OSBPL10: variants seen among roughly 807,000 people sequenced by gnomAD.
The protein encoded by OSBPL10 is oxysterol binding protein like 10, also known as oxysterol-binding protein-related protein 10.
OSBPL10 carries 49 observed loss-of-function variants against 81.7 expected under a neutral mutation model. The ratio of observed to expected loss-of-function variants is 0.60; its 90% CI spans 0.48 to 0.76. The LOEUF (loss-of-function observed/expected upper bound fraction) is 0.76. Ranked by LOEUF, OSBPL10 falls within the 30% of genes least tolerant of loss-of-function variation. The probability of loss-of-function intolerance (pLI) is 0.00; values close to 1 mark genes in which losing one functional copy is unlikely to be tolerated. For missense variants in OSBPL10, 923 were observed against 987.8 expected, an observed-to-expected ratio of 0.93 and a Z score of 0.88; for synonymous variants, 419 against 383.6, an observed-to-expected ratio of 1.09 and a Z score of -1.08.
At chr3:31,868,850 T>C (rs1339433028) in intron 3 of OSBPL10, among the ~76,000 whole-genome samples, 1 of 152,224 alleles carries the variant, frequency 6.6e-6, no homozygotes, top group African/African-American at 2.4e-5. Flanking sequence ...ATTCATAAAT[T>C]TCTCCAACTC....
chr3:31,875,067 C>T (rs1005015558), intron 3 of OSBPL10, among the ~76,000 whole-genome samples: 14 of 111,922 alleles, frequency 1.3e-4, no homozygotes, highest in African/African-American at 5.0e-4. Context: ...AAAAAGATCT[C>T]CAAAATATAT....
chr3:31,864,692 C>T (rs541441285), intron 3 of OSBPL10, among the ~76,000 whole-genome samples: 3 of 152,128 alleles, frequency 2.0e-5, no homozygotes, highest in Admixed American at 6.5e-5. Context: ...AGAACACTGA[C>T]TGAATGATGG....
chr3:32,014,790 A>T (rs988307838), intron 2 of OSBPL10, among the ~76,000 whole-genome samples: 12 of 152,230 alleles, frequency 7.9e-5, no homozygotes, highest in African/African-American at 2.7e-4. Context: ...CAAGCATTTT[A>T]TACACCAATA....
At chr3:31,683,139 G>A (rs1035770266) in intron 8 of OSBPL10, among the ~76,000 whole-genome samples, 4 of 152,182 alleles carry the variant, frequency 2.6e-5, no homozygotes, top group African/African-American at 4.8e-5. Context: ...ATCCACCAGT[G>A]GCGTGATTAT....
At chr3:31,780,287 C>T (rs560097408) in intron 4 of OSBPL10, among the ~76,000 whole-genome samples, 59 of 151,314 alleles carry the variant, frequency 3.9e-4, no homozygotes, top group African/African-American at 1.1e-3. Context: ...AGCAAGACTC[C>T]GTCAAAAAAA....
At chr3:31,769,137 G>T (rs1169554187) in intron 4 of OSBPL10, among the ~76,000 whole-genome samples, 1 of 152,054 alleles carries the variant, frequency 6.6e-6, no homozygotes, top group African/African-American at 2.4e-5. Context: ...AAACATGCAA[G>T]CATGAAATAA....
chr3:31,663,896 T>C, intron 11 of OSBPL10, 183 bp downstream of exon 11: 1 of 1,477,654 alleles, frequency 6.8e-7, no homozygotes, highest in South Asian at 1.4e-5. Context: ...TTCATGAATA[T>C]TGTGGCAGAA....
intron 2 of OSBPL10, among the ~76,000 whole-genome samples, chr3:32,042,603 G>C (rs1699589060): frequency 6.6e-6 from 1 of 152,038 alleles, no homozygotes; most frequent in Non-Finnish European, 1.5e-5. Flanking sequence ...TTCCATAAGT[G>C]TTGGCCGGCC....
At chr3:31,986,597 AG>A (rs1698936664) in intron 2 of OSBPL10, among the ~76,000 whole-genome samples, 1 of 152,258 alleles carries the variant, frequency 6.6e-6, no homozygotes, top group African/African-American at 2.4e-5. Flanking sequence ...TACAAAAAAA[AG>A]TTTATATTTT....
At chr3:32,034,206 G>A (rs1008731832) in intron 2 of OSBPL10, among the ~76,000 whole-genome samples, 1 of 152,002 alleles carries the variant, frequency 6.6e-6, no homozygotes, top group Non-Finnish European at 1.5e-5. Context: ...AGGGATTACG[G>A]GGATTACAAT....
chr3:31,952,614 T>C (rs917340866), intron 1 of OSBPL10, among the ~76,000 whole-genome samples: 2 of 152,148 alleles, frequency 1.3e-5, no homozygotes, highest in Non-Finnish European at 2.9e-5. Context: ...CATACTACTA[T>C]GTAAAATCCA....
chr3:31,726,310 A>G (rs776604976), intron 6 of OSBPL10, among the ~76,000 whole-genome samples: 1 of 148,204 alleles, frequency 6.7e-6, no homozygotes, highest in Non-Finnish European at 1.5e-5. Context: ...TGTCTTTTTA[A>G]TTTTTTTTTT....
chr3:31,922,506 T>C (rs1696946154), intron 1 of OSBPL10, among the ~76,000 whole-genome samples: 1 of 152,100 alleles, frequency 6.6e-6, no homozygotes, highest in African/African-American at 2.4e-5. Context: ...TAATCCCAGT[T>C]ACTCGAGAGA....
intron 4 of OSBPL10, among the ~76,000 whole-genome samples, chr3:31,817,193 C>T (rs933871386): frequency 5.9e-5 from 9 of 152,322 alleles, no homozygotes; most frequent in African/African-American, 2.2e-4. Flanking sequence ...ACTGGCAGCC[C>T]GGCCCTCAGC....
intron 4 of OSBPL10, among the ~76,000 whole-genome samples, chr3:31,753,481 G>C (rs148107932): frequency 6.6e-6 from 1 of 151,976 alleles, no homozygotes; most frequent in Non-Finnish European, 1.5e-5. Flanking sequence ...CACCATGCCC[G>C]GCCGCTTTAT....
chr3:31,821,969 G>A (rs186384791), intron 4 of OSBPL10, among the ~76,000 whole-genome samples: 21 of 152,318 alleles, frequency 1.4e-4, no homozygotes, highest in African/African-American at 4.6e-4. Flanking sequence ...ATCCTGAAAG[G>A]AGAGAATACT....
In OSBPL10 at chr3:31,721,076, G is replaced by A. The variant is rs955005002; in HGVS notation, c.1095+12181C>T. ...GGGCCCTTAAGAGTGGAAGAGGGAA[G>A]CAGAAGAGGGAAGTCAGAGGGAGAT... On this transcript the variant is annotated intron_variant, in intron 6 of 11. Transcript: ENST00000396556. Among the ~76,000 whole-genome samples the A allele has an allele frequency of 2.6e-5, 4 of 152,024 alleles. 1 individual carries two copies. Among genetic ancestry groups the A allele is most frequent in the Non-Finnish European group, 5.9e-5 (4 of 68,004 alleles).
At chr3:32,025,011 G>T (rs1226420173) in intron 2 of OSBPL10, among the ~76,000 whole-genome samples, 1 of 152,024 alleles carries the variant, frequency 6.6e-6, no homozygotes, top group Admixed American at 6.6e-5. Context: ...CATTATACTG[G>T]CTAGAACCTC....
intron 7 of OSBPL10, among the ~76,000 whole-genome samples, chr3:31,697,901 TACA>T (rs1695775711): frequency 1.3e-5 from 2 of 152,088 alleles, no homozygotes; most frequent in African/African-American, 4.8e-5. Context: ...TAGCTGGGAT[TACA>T]GGCACCCACC....
Sources: allele counts gnomAD v4.1 joint callset (sites outside exome capture counted in the v4.1 genomes callset), GRCh38; gene constraint gnomAD v4.1.1; transcripts MANE v1.5; gene names NCBI Gene and HGNC (gene_info 2026-07-23, HGNC 2026-07-21).